AKR1E2: variants seen among roughly 807,000 people sequenced by gnomAD.
The protein encoded by AKR1E2 is aldo-keto reductase family 1 member E2, also known as 1,5-anhydro-D-fructose reductase.
In AKR1E2, 43 loss-of-function variants were observed where a neutral mutation model predicts 41.9. The ratio of observed to expected loss-of-function variants is 1.03; its 90% CI spans 0.80 to 1.32. The LOEUF (loss-of-function observed/expected upper bound fraction) is 1.32. Ranked by LOEUF, AKR1E2 falls within the 40% of genes most tolerant of loss-of-function variation. The pLI, the probability that AKR1E2 is intolerant of heterozygous loss-of-function variation, is 0.00. For synonymous variants in AKR1E2, 121 were observed against 138.9 expected, an observed-to-expected ratio of 0.87 and a Z score of 0.91; for missense variants, 423 against 396.5, an observed-to-expected ratio of 1.07 and a Z score of -0.57.
the AKR1E2 span, among the ~76,000 whole-genome samples, chr10:4,858,335 A>G: frequency 5.9e-5 from 9 of 152,238 alleles, no homozygotes; most frequent in African/African-American, 1.7e-4. Flanking sequence ...GTTTTTATAT[A>G]GACCCACTCA....
chr10:4,851,151 A>G (rs949891605), downstream of AKR1E2, among the ~76,000 whole-genome samples: 1 of 152,248 alleles, frequency 6.6e-6, no homozygotes, highest in African/African-American at 2.4e-5. Context: ...GGGTTTGGGC[A>G]CATTTTCATT....
At chr10:4,838,129 C>T (rs139364545) in intron 5 of AKR1E2, among the ~76,000 whole-genome samples, 211 of 152,292 alleles carry the variant, frequency 1.4e-3, no homozygotes, top group Admixed American at 2.7e-3. Flanking sequence ...TAGAAGTGCA[C>T]ATGTGAAAAT....
intron 4 of AKR1E2, among the ~76,000 whole-genome samples, chr10:4,837,138 T>C (rs1833493950): frequency 6.6e-6 from 1 of 152,232 alleles, no homozygotes; most frequent in African/African-American, 2.4e-5. Context: ...TGTCGAGTAC[T>C]GGACGCCAGC....
At chr10:4,833,502 A>C in intron 3 of AKR1E2, 36 bp downstream of exon 3, 1 of 1,553,788 alleles carries the variant, frequency 6.4e-7, no homozygotes, top group Non-Finnish European at 8.9e-7. Context: ...TGCAGTTTGC[A>C]GGACCTTCCT....
At chr10:4,849,345 C>A (rs1331128968), downstream of AKR1E2, among the ~76,000 whole-genome samples, 1 of 152,230 alleles carries the variant, frequency 6.6e-6, no homozygotes, top group East Asian at 1.9e-4. Flanking sequence ...AATTACTTAA[C>A]CTTTTAAACC....
At chr10:4,830,876 G>C in intron 2 of AKR1E2, 34 bp downstream of exon 2, 3 of 1,612,256 alleles carry the variant, frequency 1.9e-6, no homozygotes, top group Non-Finnish European at 2.5e-6. Context: ...GGCAGAGCTT[G>C]GGTAATGCTA....
In AKR1E2 at chr10:4,837,557, G is replaced by A. The variant is rs768804609; in HGVS notation, c.558G>A (p.Leu186=). The part of the protein sequence containing the change: ...QLERLLNKPG[L]RFKPLTNQIE... ...AGAGGCTTTTGAATAAGCCTGGGTT[G>A]AGGTTCAAGCCACTAACCAACCAGG... The change falls in exon 5 of 10, where the codon TTG becomes TTA. Residue 186 remains leucine, a synonymous_variant. Coordinates refer to ENST00000298375, the MANE Select transcript of AKR1E2 (RefSeq NM_001040177.3). 6.2e-7 allele frequency: 1 copy of A among 1,613,882 alleles called. No individual in the cohort carries two copies. Among genetic ancestry groups the A allele is most frequent in the Non-Finnish European group, 8.5e-7 (1 of 1,179,852 alleles).
chr10:4,869,546 C>T, the AKR1E2 span, among the ~76,000 whole-genome samples: 1 of 151,498 alleles, frequency 6.6e-6, no homozygotes, highest in Non-Finnish European at 1.5e-5. Context: ...TTTATTATTT[C>T]CATAGTTCTG....
chr10:4,842,330 T>A, intron 7 of AKR1E2, 91 bp from the exon 8 acceptor site: 5 of 1,133,902 alleles, frequency 4.4e-6, no homozygotes, highest in Non-Finnish European at 6.6e-6. Flanking sequence ...TCTTGGACTC[T>A]TACTGCATGA....
the AKR1E2 span, among the ~76,000 whole-genome samples, chr10:4,858,034 G>A: frequency 2.0e-5 from 3 of 151,598 alleles, no homozygotes; most frequent in South Asian, 2.1e-4. Context: ...TGTTAGATTC[G>A]GTTTCGTTCT....
At chr10:4,844,228 A>T (rs1834117833) in intron 8 of AKR1E2, among the ~76,000 whole-genome samples, 1 of 150,914 alleles carries the variant, frequency 6.6e-6, no homozygotes, top group Admixed American at 6.6e-5. Context: ...GAAGGTGAGG[A>T]CCTTTGCGGT....
intron 3 of AKR1E2, among the ~76,000 whole-genome samples, chr10:4,834,458 C>T (rs1439985547): frequency 6.6e-6 from 1 of 152,206 alleles, no homozygotes; most frequent in African/African-American, 2.4e-5. Context: ...AAATTCATTG[C>T]ATGCAGAAAA....
chr10:4,857,455 C>G, the AKR1E2 span, among the ~76,000 whole-genome samples: 4 of 152,196 alleles, frequency 2.6e-5, no homozygotes, highest in Admixed American at 2.6e-4. Flanking sequence ...TGAAGTGCCC[C>G]TCCCTCTTTC....
chr10:4,850,806 T>A (rs1372469013), downstream of AKR1E2, among the ~76,000 whole-genome samples: 1 of 152,242 alleles, frequency 6.6e-6, no homozygotes, highest in Non-Finnish European at 1.5e-5. Context: ...ATGTGCACAA[T>A]CTTGGAACTG....
chr10:4,857,405 A>C, the AKR1E2 span, among the ~76,000 whole-genome samples: 287 of 143,210 alleles, frequency 2.0e-3, no homozygotes, highest in African/African-American at 6.0e-3. Context: ...AGTACCCCCC[A>C]CACACACATC....
chr10:4,845,745 G>A (rs534151840), intron 8 of AKR1E2: 76 of 471,140 alleles, frequency 1.6e-4, no homozygotes, highest in African/African-American at 1.5e-3. Context: ...GGGGACCTTG[G>A]GCCCAGCTGA....
At chr10:4,845,105 G>T (rs996297727) in intron 8 of AKR1E2, among the ~76,000 whole-genome samples, 1 of 152,178 alleles carries the variant, frequency 6.6e-6, no homozygotes, top group Admixed American at 6.5e-5. Flanking sequence ...GCGCAGCGCC[G>T]GTGGGCCAGC....
At chr10:4,854,345 G>T in the AKR1E2 span, among the ~76,000 whole-genome samples, 6 of 151,978 alleles carry the variant, frequency 3.9e-5, no homozygotes, top group Admixed American at 3.3e-4. Flanking sequence ...GCCCACCTTG[G>T]CCTCCCAAAG....
chr10:4,861,278 A>T, the AKR1E2 span, among the ~76,000 whole-genome samples: 1 of 152,220 alleles, frequency 6.6e-6, no homozygotes, highest in African/African-American at 2.4e-5. Context: ...ATTTAATTAA[A>T]AAAACTCTAA....
Sources: gnomAD v4.1 joint callset for allele counts (sites outside exome capture counted in the v4.1 genomes callset) on GRCh38, gnomAD v4.1.1 for gene constraint, MANE v1.5 for transcripts, NCBI Gene and HGNC (gene_info 2026-07-23, HGNC 2026-07-21) for gene names.